The following PCDHA5 variants were observed in gnomAD, a reference collection of about 807,000 sequenced individuals.
The protein encoded by PCDHA5 is protocadherin alpha 5, also known as protocadherin alpha-5.
In PCDHA5, 43 loss-of-function variants were observed where a neutral mutation model predicts 61.6. That is an observed-to-expected ratio of 0.70 (90% CI 0.55 to 0.90). The LOEUF (loss-of-function observed/expected upper bound fraction) is 0.90, where lower values mean the gene tolerates loss of function less well. Ranked by LOEUF, PCDHA5 falls within the 40% of genes least tolerant of loss-of-function variation. The pLI, the probability that PCDHA5 is intolerant of heterozygous loss-of-function variation, is 0.00. For synonymous variants in PCDHA5, 627 were observed against 543.9 expected (o/e 1.15, Z -2.13); for missense variants, 1,298 against 1,222.7 (o/e 1.06, Z -0.92).
At chr5:140,883,593 C>T (rs2059688395) in intron 1 of PCDHA5, 1 of 1,613,954 alleles carries the variant, frequency 6.2e-7, no homozygotes, top group Non-Finnish European at 8.5e-7. Context: ...GCCAGCGTGT[C>T]GGTGGGGGTG....
intron 1 of PCDHA5, among the ~76,000 whole-genome samples, chr5:140,914,270 ATATATT>A (rs1554196274): frequency 6.6e-6 from 1 of 152,146 alleles, no homozygotes; most frequent in Non-Finnish European, 1.5e-5. Context: ...GTGGGTGCAT[ATATATT>A]TATAATTGTT....
In PCDHA5 at chr5:140,852,910, G is replaced by C. The variant is rs2150524838; in HGVS notation, c.2352+28783G>C. 404 of 797,110 alleles carry C rather than the reference G, an allele frequency of 5.1e-4. 8 individuals are homozygous for C. In the South Asian group the frequency reaches 0.02, roughly 39 times the overall value. 49.4% of individuals were successfully genotyped at this position (797,110 alleles called of 1,614,324 possible). A position where few individuals can be genotyped will look rare whatever the true frequency, so the allele number is the denominator to read the frequency against. ...ATTTTTTTTTTTGAGTCAGAGTCTCGCTCTGTTGCCCAGGCTGGAGTGCAG... is the reference window on the plus strand; with the variant it reads ...ATTTTTTTTTTTGAGTCAGAGTCTCCCTCTGTTGCCCAGGCTGGAGTGCAG... On this transcript the variant is annotated intron_variant, in intron 1 of 3. Transcript: ENST00000529859.
chr5:140,930,375 C>T (rs2086761522), intron 1 of PCDHA5: 1 of 151,734 alleles, frequency 6.6e-6, no homozygotes, highest in Non-Finnish European at 1.5e-5. Flanking sequence ...GTTAGTGGCC[C>T]TTGGCATTTC....
intron 1 of PCDHA5, among the ~76,000 whole-genome samples, chr5:140,961,545 C>A (rs1486984950): frequency 6.6e-6 from 1 of 152,146 alleles, no homozygotes; most frequent in Non-Finnish European, 1.5e-5. Flanking sequence ...GTTCCTGCAG[C>A]ATTTCTTTTT....
At chr5:140,886,903 A>G (rs1432603652) in intron 1 of PCDHA5, among the ~76,000 whole-genome samples, 1 of 152,188 alleles carries the variant, frequency 6.6e-6, no homozygotes, top group East Asian at 1.9e-4. Context: ...CATTTAATAA[A>G]TACTTATTGA....
intron 1 of PCDHA5, chr5:140,876,762 G>A (rs1554168889): frequency 3.7e-6 from 6 of 1,614,252 alleles, no homozygotes; most frequent in Non-Finnish European, 5.1e-6. Flanking sequence ...CGCGGGATGG[G>A]GGCTCGCCTT....
intron 1 of PCDHA5, chr5:140,841,294 A>G (rs2150312658): frequency 8.3e-6 from 13 of 1,563,188 alleles, no homozygotes; most frequent in African/African-American, 1.4e-5. Context: ...TTAAGATAAT[A>G]TTTTCTGATA....
intron 3 of PCDHA5, among the ~76,000 whole-genome samples, chr5:141,009,296 T>A (rs889577032): frequency 3.3e-4 from 50 of 152,004 alleles, no homozygotes; most frequent in Non-Finnish European, 5.3e-4. Context: ...TTCTATAAAA[T>A]TTTTTTTAAA....
chr5:140,944,463 A>C (rs2093660880), intron 1 of PCDHA5, among the ~76,000 whole-genome samples: 1 of 152,198 alleles, frequency 6.6e-6, no homozygotes, highest in Admixed American at 6.5e-5. Flanking sequence ...CTGGGATTAC[A>C]GGTATGAGGC....
intron 1 of PCDHA5, chr5:140,863,203 G>C: frequency 1.1e-6 from 1 of 948,504 alleles, no homozygotes; most frequent in Non-Finnish European, 1.6e-6. Flanking sequence ...GTCGCTGGCG[G>C]AGAGCAGCCA....
At chr5:140,871,719 T>C in intron 1 of PCDHA5, 1 of 783,566 alleles carries the variant, frequency 1.3e-6, no homozygotes, top group Non-Finnish European at 1.9e-6. Context: ...CCTATTTCTC[T>C]TAATATTTGG....
At chr5:140,839,353 G>A (rs1421791877) in intron 1 of PCDHA5, among the ~76,000 whole-genome samples, 1 of 144,986 alleles carries the variant, frequency 6.9e-6, no homozygotes, top group Non-Finnish European at 1.5e-5. Context: ...ATCCTCCTTA[G>A]CCACCTAAGC....
rs373157192 is a variant in PCDHA5 at position 140,869,487 on chromosome 5, C to T, written c.2352+45360C>T. On this transcript the variant is annotated intron_variant, in intron 1 of 3. Transcript: ENST00000529859. ...ACGTGGAGGTGAAGGACATTAACGA[C>T]AACCCGCCGGTGTTCTCGCTCAGAG... The T allele has an allele frequency of 5.2e-5, 84 of 1,614,180 alleles. No homozygotes were observed. The African/African-American group carries it at 8.9e-4, about 17-fold the overall frequency.
chr5:141,005,701 C>CAAAAAA (rs59860837), intron 3 of PCDHA5, among the ~76,000 whole-genome samples: 13 of 7,792 alleles, frequency 1.7e-3, no homozygotes, highest in East Asian at 3.2e-3. Context: ...AACTCCGTCT[C>CAAAAAA]AAAAAAAAAA....
At chr5:140,836,236 C>T (rs2150256110) in intron 1 of PCDHA5, 1 of 1,613,794 alleles carries the variant, frequency 6.2e-7, no homozygotes, top group East Asian at 2.2e-5. Flanking sequence ...GCGGCCGGTG[C>T]GAGCATCCCG....
chr5:140,829,606 G>T (rs2150171112), intron 1 of PCDHA5: 9 of 1,611,952 alleles, frequency 5.6e-6, no homozygotes, highest in African/African-American at 1.3e-5. Context: ...GCGCGTTGTC[G>T]AGCTACATTT....
Position 140,821,950 on chromosome 5 carries a change from G to C in PCDHA5, c.175G>C (p.Val59Leu), listed in dbSNP as rs1484669831. 1 of 1,614,058 alleles carries C rather than the reference G, an allele frequency of 6.2e-7. No homozygotes were observed. Among genetic ancestry groups the C allele is most frequent in the Non-Finnish European group, 8.5e-7 (1 of 1,180,052 alleles). Reference protein sequence around the residue: ...QDLGLELAELVPRLFRVASKG... With the variant: ...QDLGLELAELLPRLFRVASKG... ...CCTAGGGCTGGAGCTGGCGGAGCTG[G>C]TGCCGCGCCTGTTCCGGGTGGCGTC... The change falls in exon 1 of 4, where the codon GTG becomes CTG. Residue 59 changes from valine to leucine, a missense_variant. Transcript: ENST00000529859.
At position 140,858,183 on chromosome 5, in the gene PCDHA5, C is replaced by T. The variant is rs1417282608; in HGVS notation, c.2352+34056C>T. The T allele has an allele frequency of 1.1e-5, 17 of 1,597,392 alleles. 4 individuals carry two copies. The highest frequency in any genetic ancestry group is 5.5e-5 in the South Asian group (5 of 90,536). On this transcript the variant is annotated intron_variant, in intron 1 of 3. Transcript: ENST00000529859. ...GCGGTGTCCAGCTTGCTGGTGCTCA[C>T]GCTGCTGCTGTACACTGCACTGAGG...
intron 1 of PCDHA5, among the ~76,000 whole-genome samples, chr5:140,906,376 C>T (rs1372120775): frequency 1.3e-5 from 2 of 152,166 alleles, no homozygotes; most frequent in Admixed American, 6.5e-5. Context: ...AATGCTATTA[C>T]ATAAAGTTAA....
Sources: gnomAD v4.1 joint callset for allele counts (sites outside exome capture counted in the v4.1 genomes callset) on GRCh38, gnomAD v4.1.1 for gene constraint, MANE v1.5 for transcripts, NCBI Gene and HGNC (gene_info 2026-07-23, HGNC 2026-07-21) for gene names.